The following CDH13 variants were observed in gnomAD, a reference collection of about 807,000 sequenced individuals.
CDH13 encodes the protein cadherin-13.
A neutral mutation model predicts 63.8 loss-of-function variants in CDH13; 24 were observed. The ratio of observed to expected loss-of-function variants is 0.38; its 90% CI spans 0.27 to 0.53. The LOEUF is 0.53. Ranked by LOEUF, CDH13 falls within the 20% of genes least tolerant of loss-of-function variation. CDH13 has a pLI of 0.85. For synonymous variants in CDH13, 503 were observed against 355.3 expected (o/e 1.42, Z -4.67); for missense variants, 1,049 against 903.1 (o/e 1.16, Z -2.07).
intron 5 of CDH13, among the ~76,000 whole-genome samples, chr16:83,241,380 G>C (rs9783751): frequency 0.44 from 66,517 of 152,018 alleles, 16,147 homozygotes; most frequent in African/African-American, 0.66. Context: ...TATGGTAATT[G>C]TCTTTAGCTT....
intron 7 of CDH13, among the ~76,000 whole-genome samples, chr16:83,505,963 C>T (rs28502189): frequency 0.012 from 1,796 of 152,260 alleles, 39 homozygotes; most frequent in African/African-American, 0.039. Flanking sequence ...CACCTTACCC[C>T]GGGAGAAGCT....
intron 3 of CDH13, among the ~76,000 whole-genome samples, chr16:83,108,063 C>T (rs984053403): frequency 6.6e-6 from 1 of 152,150 alleles, no homozygotes; most frequent in Non-Finnish European, 1.5e-5. Context: ...CCTCGTGATC[C>T]ACCCACCTTG....
Position 83,014,878 on chromosome 16 carries a change from ATG to A in CDH13, c.158-17130_158-17129del, listed in dbSNP as rs1450054645. Among the ~76,000 whole-genome samples the A allele has an allele frequency of 8.5e-4, 117 of 137,298 alleles. No homozygotes were observed. In the East Asian group the frequency reaches 9.1e-3, roughly 11 times the overall value. 90.1% of individuals were successfully genotyped at this position (137,298 alleles called of 152,430 possible). On this transcript the variant is annotated intron_variant, in intron 2 of 13. Coordinates refer to ENST00000567109, the MANE Select transcript of CDH13 (RefSeq NM_001257.5). ...TTTGTATATATATATGTATATATAT[ATG>A]TTTGTGTATATATATATGTATATTT...
At chr16:82,911,661 A>G (rs548307577) in intron 2 of CDH13, among the ~76,000 whole-genome samples, 1 of 152,326 alleles carries the variant, frequency 6.6e-6, no homozygotes, top group East Asian at 1.9e-4. Context: ...AGCCTCACTC[A>G]GACACCTTGA....
At chr16:83,491,953 G>A (rs2074023798) in intron 7 of CDH13, among the ~76,000 whole-genome samples, 2 of 152,070 alleles carry the variant, frequency 1.3e-5, no homozygotes, top group African/African-American at 2.4e-5. Context: ...TTAGATTTAT[G>A]TGCATTTACT....
chr16:83,547,494 T>C (rs1229020962), intron 7 of CDH13, among the ~76,000 whole-genome samples: 1 of 152,176 alleles, frequency 6.6e-6, no homozygotes, highest in Non-Finnish European at 1.5e-5. Flanking sequence ...GTTGTTCCCC[T>C]TTGTGTGTCC....
At chr16:83,121,379 C>T (rs1026237706) in intron 3 of CDH13, among the ~76,000 whole-genome samples, 1 of 152,168 alleles carries the variant, frequency 6.6e-6, no homozygotes, top group Non-Finnish European at 1.5e-5. Flanking sequence ...TTGCATGCAA[C>T]CTCTCTGAAC....
At chr16:83,781,309 C>A (rs1008660180) in intron 12 of CDH13, among the ~76,000 whole-genome samples, 6 of 152,136 alleles carry the variant, frequency 3.9e-5, no homozygotes, top group African/African-American at 1.4e-4. Context: ...CCTTGTCTTC[C>A]AATAAAGTAA....
chr16:83,750,361 G>A (rs565230717), intron 11 of CDH13, among the ~76,000 whole-genome samples: 28 of 152,298 alleles, frequency 1.8e-4, no homozygotes, highest in African/African-American at 6.7e-4. Flanking sequence ...CAAGGTTAAG[G>A]TGACTTATGA....
intron 8 of CDH13, among the ~76,000 whole-genome samples, chr16:83,651,856 A>T (rs1157067743): frequency 6.6e-6 from 1 of 151,982 alleles, no homozygotes. Flanking sequence ...CAGCCTCCCA[A>T]AGTGCTGGAA....
intron 2 of CDH13, among the ~76,000 whole-genome samples, chr16:82,921,282 C>G (rs185782440): frequency 6.6e-6 from 1 of 152,286 alleles, no homozygotes; most frequent in African/African-American, 2.4e-5. Flanking sequence ...TCCAGAAGCT[C>G]TCGGGGAGCT....
chr16:83,254,941 T>A (rs2151829080), intron 5 of CDH13, among the ~76,000 whole-genome samples: 1 of 116,010 alleles, frequency 8.6e-6, no homozygotes, highest in Middle Eastern at 4.8e-3. Flanking sequence ...CTTGGATTTT[T>A]TCTTTTTCTC....
intron 11 of CDH13, among the ~76,000 whole-genome samples, chr16:83,775,078 G>C (rs1387097715): frequency 6.6e-6 from 1 of 151,782 alleles, no homozygotes; most frequent in African/African-American, 2.4e-5. Flanking sequence ...TAAGACTCAA[G>C]CTATGTAATA....
chr16:83,122,984 A>T (rs2035652824), intron 3 of CDH13, among the ~76,000 whole-genome samples: 1 of 152,086 alleles, frequency 6.6e-6, no homozygotes, highest in Non-Finnish European at 1.5e-5. Flanking sequence ...GTATGTTCAC[A>T]AGTACCCATT....
At chr16:82,933,344 T>G (rs142357510) in intron 2 of CDH13, among the ~76,000 whole-genome samples, 2 of 152,248 alleles carry the variant, frequency 1.3e-5, no homozygotes, top group East Asian at 3.9e-4. Flanking sequence ...TATCAGATTT[T>G]GGGAGAACTC....
At chr16:83,671,009 G>C in intron 9 of CDH13, 37 bp downstream of exon 9, 1 of 1,512,510 alleles carries the variant, frequency 6.6e-7, no homozygotes, top group East Asian at 2.3e-5. Context: ...CTCCTCATGC[G>C]AGCACGGAGG....
chr16:83,720,197 G>A (rs767777941), intron 10 of CDH13, among the ~76,000 whole-genome samples: 3 of 151,772 alleles, frequency 2.0e-5, no homozygotes, highest in Non-Finnish European at 2.9e-5. Context: ...ACACACACAC[G>A]TTCACACACT....
intron 8 of CDH13, among the ~76,000 whole-genome samples, chr16:83,626,527 T>C (rs1478094412): frequency 6.6e-6 from 1 of 152,204 alleles, no homozygotes; most frequent in East Asian, 1.9e-4. Flanking sequence ...AAGTCACAAA[T>C]GTGTGGTTTC....
At chr16:83,785,454 T>C (rs1276094429) in intron 13 of CDH13, among the ~76,000 whole-genome samples, 2 of 152,306 alleles carry the variant, frequency 1.3e-5, no homozygotes, top group South Asian at 4.1e-4. Flanking sequence ...TACCATCACC[T>C]TGGGGATCAG....
Sources: gnomAD v4.1 joint callset for allele counts (sites outside exome capture counted in the v4.1 genomes callset) on GRCh38, gnomAD v4.1.1 for gene constraint, MANE v1.5 for transcripts, NCBI Gene and HGNC (gene_info 2026-07-23, HGNC 2026-07-21) for gene names.